Variants in PATJ observed in about 807,000 individuals in gnomAD.
The protein encoded by PATJ is PATJ crumbs cell polarity complex component.
A neutral mutation model predicts 224.9 loss-of-function variants in PATJ; 190 were observed. That is an observed-to-expected ratio of 0.84 (90% CI 0.75 to 0.95). PATJ has a LOEUF of 0.95. PATJ is among the 40% of genes least tolerant of loss of function. The probability of loss-of-function intolerance (pLI) is 0.00; values close to 1 mark genes in which losing one functional copy is unlikely to be tolerated. For missense variants in PATJ, 2,121 were observed against 2,270.3 expected (o/e 0.93, Z 1.34); for synonymous variants, 769 against 820.3 (o/e 0.94, Z 1.07).
At chr1:62,124,278 T>A (rs1665442681) in intron 39 of PATJ, among the ~76,000 whole-genome samples, 1 of 152,010 alleles carries the variant, frequency 6.6e-6, no homozygotes, top group Non-Finnish European at 1.5e-5. Flanking sequence ...AGACACAGTT[T>A]CTCCATGTTG....
intron 43 of PATJ, among the ~76,000 whole-genome samples, chr1:62,155,354 G>A (rs550601257): frequency 1.3e-5 from 2 of 152,234 alleles, no homozygotes; most frequent in East Asian, 1.9e-4. Context: ...ATAGACTGGT[G>A]GGCTGGGACC....
chr1:61,952,348 G>T lies in PATJ; in HGVS notation c.3670+24519G>T, dbSNP rs913937987. On this transcript the variant is annotated intron_variant, in intron 27 of 43. Coordinates refer to ENST00000642238, the MANE Select transcript of PATJ (RefSeq NM_001350145.3). Reference sequence around the variant, plus strand: ...AGGATTTGAGCTGCGTCCAGCATTGGATATTTGTCAGGAATGCAGATACCC... The same window carrying T: ...AGGATTTGAGCTGCGTCCAGCATTGTATATTTGTCAGGAATGCAGATACCC... 11 of 713,228 alleles carry T rather than the reference G, an allele frequency of 1.5e-5. No individual in the cohort carries two copies. In the African/African-American group the frequency reaches 1.8e-4, roughly 11 times the overall value. 44.2% of individuals were successfully genotyped at this position (713,228 alleles called of 1,614,324 possible).
At position 62,148,267 on chromosome 1, in the gene PATJ, T is replaced by C; in HGVS notation, c.5272-17T>C. ...CCTTCTTTATAATGAAATACCTTTT[T>C]TTCACTTTTTCCCCAGGTTGTAGCA... On this transcript the variant is annotated splice_polypyrimidine_tract_variant and intron_variant, in intron 41 of 43. Coordinates refer to ENST00000642238, the MANE Select transcript of PATJ (RefSeq NM_001350145.3). The C allele has an allele frequency of 1.3e-6, 2 of 1,580,966 alleles. No homozygotes were observed. Among genetic ancestry groups the C allele is most frequent in the South Asian group, 1.1e-5 (1 of 90,396 alleles).
intron 26 of PATJ, chr1:61,918,117 C>T (rs550413723): frequency 1.3e-5 from 2 of 151,378 alleles, no homozygotes; most frequent in East Asian, 3.9e-4. Flanking sequence ...AGTCAAGCTA[C>T]CCTATGAAGC....
At chr1:61,950,160 C>T (rs1219828424) in intron 27 of PATJ, among the ~76,000 whole-genome samples, 5 of 152,160 alleles carry the variant, frequency 3.3e-5, no homozygotes, top group Non-Finnish European at 7.3e-5. Flanking sequence ...GCCGAGATCA[C>T]GCTGCTGCAC....
intron 21 of PATJ, 22 bp downstream of exon 21, chr1:61,875,388 T>A: frequency 6.3e-7 from 1 of 1,581,624 alleles, no homozygotes; most frequent in Non-Finnish European, 8.6e-7. Context: ...TTGTTTCTCA[T>A]AAACACAAAT....
intron 22 of PATJ, 72 bp from the exon 23 acceptor site, chr1:61,899,511 A>C: frequency 9.8e-7 from 1 of 1,023,912 alleles, no homozygotes; most frequent in Non-Finnish European, 1.4e-6. Flanking sequence ...TACAATTTCA[A>C]AACCTTCCAA....
At chr1:62,025,546 C>T (rs911542576) in intron 29 of PATJ, among the ~76,000 whole-genome samples, 1 of 152,168 alleles carries the variant, frequency 6.6e-6, no homozygotes, top group Admixed American at 6.5e-5. Flanking sequence ...GATGGCTGGG[C>T]GCAGTGGCTC....
intron 43 of PATJ, among the ~76,000 whole-genome samples, chr1:62,155,344 A>G (rs181839717): frequency 3.0e-4 from 45 of 152,278 alleles, no homozygotes; most frequent in African/African-American, 8.4e-4. Flanking sequence ...TGCACTTTCA[A>G]TAGACTGGTG....
intron 33 of PATJ, among the ~76,000 whole-genome samples, chr1:62,093,976 C>T (rs897209249): frequency 1.3e-5 from 2 of 152,152 alleles, no homozygotes; most frequent in African/African-American, 4.8e-5. Flanking sequence ...ATATTTACAG[C>T]AGTTCTTATG....
chr1:61,924,542 A>G (rs186957810), intron 26 of PATJ, among the ~76,000 whole-genome samples: 77 of 152,308 alleles, frequency 5.1e-4, no homozygotes, highest in African/African-American at 1.6e-3. Context: ...GGTTTTTGTG[A>G]AAAAGAGATT....
Position 61,830,718 on chromosome 1 carries a change from A to G in PATJ, c.1981-2936A>G, listed in dbSNP as rs1458832190. Among the ~76,000 whole-genome samples, 3 of 152,216 alleles carry G rather than the reference A, an allele frequency of 2.0e-5. No homozygotes were observed. In the East Asian group the frequency reaches 5.8e-4, roughly 29 times the overall value. ...ATGGAACAGGTTAAAGAACCTAGAAATAAAGGTGCACATCTACAAGCATCT... is the reference window on the plus strand; with the variant it reads ...ATGGAACAGGTTAAAGAACCTAGAAGTAAAGGTGCACATCTACAAGCATCT... On this transcript the variant is annotated intron_variant, in intron 16 of 43. Transcript: ENST00000642238.
chr1:61,894,836 A>G (rs1017690044), intron 22 of PATJ, among the ~76,000 whole-genome samples: 1 of 152,234 alleles, frequency 6.6e-6, no homozygotes, highest in African/African-American at 2.4e-5. Context: ...AGAAGCTGAC[A>G]GGAAGATGTG....
In PATJ at chr1:62,123,042, C is replaced by T. The variant is rs1456773905; in HGVS notation, c.5027C>T (p.Thr1676Ile). 1.3e-6 allele frequency: 2 copies of T among 1,595,826 alleles called. No homozygotes were observed. Among genetic ancestry groups the T allele is most frequent in the Non-Finnish European group, 1.7e-6 (2 of 1,168,842 alleles). ...ATAGGCACAGATATGGAACCAAGGA[C>T]TGTTGAGATAAACAGGGTAAGTCAG... ...KNSGTDMEPR[T>I]VEINRELSDA... The change falls in exon 39 of 44, where the codon ACT (threonine) becomes ATT (isoleucine). Residue 1676 changes from threonine (T) to isoleucine (I), a missense_variant. Physicochemically the swap from Thr to Ile is moderately conservative, Grantham distance 89. Coordinates refer to ENST00000642238, the MANE Select transcript of PATJ (RefSeq NM_001350145.3).
chr1:62,148,188 A>G, intron 41 of PATJ, 96 bp from the exon 42 acceptor site: 1 of 740,848 alleles, frequency 1.3e-6, no homozygotes, highest in Middle Eastern at 2.6e-4. Flanking sequence ...TAAATTGAAT[A>G]AGATTAGGAT....
chr1:61,894,264 A>C lies in PATJ; in HGVS notation c.3132-5319A>C, dbSNP rs12131948. Among the ~76,000 whole-genome samples the C allele has an allele frequency of 4.1e-3, 593 of 144,474 alleles. 3 individuals carry two copies. The highest frequency in any genetic ancestry group is 0.015 in the African/African-American group (562 of 36,858). 94.8% of individuals were successfully genotyped at this position (144,474 alleles called of 152,430 possible). The stretch of plus-strand genomic sequence containing the variant: ...AGCGAAACTCTATCTCATAAAAAAA[A>C]AAAAACACAAAAAAAAAACAGAGAA... On this transcript the variant is annotated intron_variant, in intron 22 of 43. Coordinates refer to ENST00000642238, the MANE Select transcript of PATJ (RefSeq NM_001350145.3).
chr1:61,761,554 A>T (rs1239787835), intron 1 of PATJ, among the ~76,000 whole-genome samples: 2 of 152,212 alleles, frequency 1.3e-5, no homozygotes, highest in Non-Finnish European at 2.9e-5. Flanking sequence ...GAGTGTTTTT[A>T]AATTAGGTTT....
At chr1:61,791,600 G>A (rs999273929) in intron 9 of PATJ, among the ~76,000 whole-genome samples, 153 bp downstream of exon 9, 5 of 152,142 alleles carry the variant, frequency 3.3e-5, no homozygotes, top group African/African-American at 1.2e-4. Context: ...AGTGATTACA[G>A]AATCACATTT....
intron 29 of PATJ, among the ~76,000 whole-genome samples, chr1:62,034,639 A>G (rs1432697792): frequency 6.6e-6 from 1 of 152,096 alleles, no homozygotes. Flanking sequence ...TCAGCTCTCC[A>G]TGGCTTGATG....
Sources: gnomAD v4.1 joint callset for allele counts (sites outside exome capture counted in the v4.1 genomes callset) on GRCh38, gnomAD v4.1.1 for gene constraint, MANE v1.5 for transcripts, NCBI Gene and HGNC (gene_info 2026-07-23, HGNC 2026-07-21) for gene names.